The following HDAC9 variants were observed in gnomAD, a reference collection of about 807,000 sequenced individuals.
The protein encoded by HDAC9 is histone deacetylase 9, also known as MEF-2 interacting transcription repressor (MITR) protein.
In HDAC9, 41 loss-of-function variants were observed where a neutral mutation model predicts 139.4. That is an observed-to-expected ratio of 0.29 (90% CI 0.23 to 0.38). The LOEUF is 0.38. Ranked by LOEUF, HDAC9 falls within the 10% of genes least tolerant of loss-of-function variation. The pLI is 1.00. For synonymous variants in HDAC9, 517 were observed against 476.2 expected (o/e 1.09, Z -1.12); for missense variants, 1,147 against 1,297.0 (o/e 0.88, Z 1.78).
At chr7:18,287,126 T>C (rs1797500662), upstream of HDAC9, among the ~76,000 whole-genome samples, 1 of 152,204 alleles carries the variant, frequency 6.6e-6, no homozygotes, top group Non-Finnish European at 1.5e-5. Flanking sequence ...TTAATGGTAG[T>C]TTTTTCTGAG....
At chr7:18,852,380 A>G (rs1797366199) in intron 21 of HDAC9, among the ~76,000 whole-genome samples, 1 of 152,192 alleles carries the variant, frequency 6.6e-6, no homozygotes, top group Non-Finnish European at 1.5e-5. Flanking sequence ...GGACGATTAG[A>G]GTCAGGCGAG....
At chr7:18,522,064 T>C (rs1206075061) in intron 2 of HDAC9, among the ~76,000 whole-genome samples, 1 of 152,158 alleles carries the variant, frequency 6.6e-6, no homozygotes, top group African/African-American at 2.4e-5. Context: ...GAAGACAGGA[T>C]GTAAGTCTCC....
intron 2 of HDAC9, among the ~76,000 whole-genome samples, chr7:18,254,076 C>T (rs1795088991): frequency 6.6e-6 from 1 of 152,176 alleles, no homozygotes; most frequent in African/African-American, 2.4e-5. Flanking sequence ...TTTCAATATA[C>T]ATCAAAAGTT....
intron 2 of HDAC9, among the ~76,000 whole-genome samples, chr7:18,576,313 T>G (rs1825915966): frequency 6.6e-6 from 1 of 152,192 alleles, no homozygotes; most frequent in Non-Finnish European, 1.5e-5. Flanking sequence ...GTAACAGAAG[T>G]GCTTTAATAA....
chr7:18,278,929 T>C (rs1277127518), intron 2 of HDAC9, among the ~76,000 whole-genome samples: 2 of 152,194 alleles, frequency 1.3e-5, no homozygotes, highest in Admixed American at 6.5e-5. Flanking sequence ...TGGAAGTAGG[T>C]ACTCTGTTCT....
intron 22 of HDAC9, among the ~76,000 whole-genome samples, chr7:18,915,168 A>G (rs1158070841): frequency 5.9e-5 from 9 of 152,130 alleles, no homozygotes; most frequent in African/African-American, 2.2e-4. Flanking sequence ...TTTGAAATGC[A>G]CAGTTTTTAT....
chr7:18,472,014 C>T (rs1794763767), intron 1 of HDAC9, among the ~76,000 whole-genome samples: 1 of 152,268 alleles, frequency 6.6e-6, no homozygotes, highest in Admixed American at 6.5e-5. Flanking sequence ...GAGGTCCATG[C>T]TGATTCTTCT....
chr7:18,888,288 G>A (rs1049310145), intron 22 of HDAC9, among the ~76,000 whole-genome samples: 3 of 152,170 alleles, frequency 2.0e-5, no homozygotes, highest in Non-Finnish European at 2.9e-5. Context: ...AGCCAGGCGT[G>A]GTGGCGGGCG....
chr7:18,982,170 A>G (rs1422338807), intron 25 of HDAC9, among the ~76,000 whole-genome samples: 1 of 152,154 alleles, frequency 6.6e-6, no homozygotes, highest in Non-Finnish European at 1.5e-5. Context: ...TACTGCTGAC[A>G]CTCAGTCCAA....
intron 2 of HDAC9, among the ~76,000 whole-genome samples, chr7:18,236,892 C>T (rs980009381): frequency 6.6e-6 from 1 of 152,176 alleles, no homozygotes; most frequent in African/African-American, 2.4e-5. Flanking sequence ...TAGTGCTTCT[C>T]CTGCAGCTTG....
intron 1 of HDAC9, among the ~76,000 whole-genome samples, chr7:18,452,628 C>G (rs1792976425): frequency 6.6e-6 from 1 of 152,190 alleles, no homozygotes; most frequent in Non-Finnish European, 1.5e-5. Flanking sequence ...CCCCATATGT[C>G]ATGGGATGGA....
intron 2 of HDAC9, among the ~76,000 whole-genome samples, chr7:18,174,099 T>C (rs945350171): frequency 1.3e-5 from 2 of 152,254 alleles, no homozygotes; most frequent in African/African-American, 4.8e-5. Context: ...AGATGTAGAT[T>C]TGGTCTTTTC....
chr7:18,801,784 T>C (rs1051560530), intron 17 of HDAC9, among the ~76,000 whole-genome samples: 1 of 152,096 alleles, frequency 6.6e-6, no homozygotes. Flanking sequence ...GTATTTCTTT[T>C]TGAGTCAATT....
chr7:18,115,292 CAAA>C (rs67773503), intron 1 of HDAC9, among the ~76,000 whole-genome samples: 8 of 130,248 alleles, frequency 6.1e-5, no homozygotes, highest in East Asian at 2.2e-4. Context: ...GACTCTGTCT[CAAA>C]AAAAAAAAAA....
At chr7:18,889,949 C>T (rs1199022090) in intron 22 of HDAC9, among the ~76,000 whole-genome samples, 1 of 152,202 alleles carries the variant, frequency 6.6e-6, no homozygotes, top group Non-Finnish European at 1.5e-5. Flanking sequence ...AAGTGAGCCT[C>T]TTAGCCTTCC....
chr7:18,482,255 C>T (rs1795612932), intron 1 of HDAC9, among the ~76,000 whole-genome samples: 1 of 151,346 alleles, frequency 6.6e-6, no homozygotes, highest in Admixed American at 6.6e-5. Flanking sequence ...TAAAGAGTAT[C>T]CCTGGCTGCT....
chr7:18,194,148 T>A (rs1790566030), intron 2 of HDAC9, among the ~76,000 whole-genome samples: 1 of 152,280 alleles, frequency 6.6e-6, no homozygotes, highest in East Asian at 1.9e-4. Flanking sequence ...GCTTCTTTAT[T>A]AACTGTCAGT....
At chr7:18,538,547 A>G (rs1371929921) in intron 2 of HDAC9, among the ~76,000 whole-genome samples, 1 of 152,214 alleles carries the variant, frequency 6.6e-6, no homozygotes, top group African/African-American at 2.4e-5. Flanking sequence ...TTTAACGGCC[A>G]TGAGCCTTAA....
intron 2 of HDAC9, among the ~76,000 whole-genome samples, chr7:18,191,714 T>C (rs1442052701): frequency 1.3e-5 from 2 of 152,244 alleles, no homozygotes; most frequent in Non-Finnish European, 2.9e-5. Flanking sequence ...TTTTTTGACA[T>C]TTGTATTTCT....
Sources: allele counts gnomAD v4.1 joint callset (sites outside exome capture counted in the v4.1 genomes callset), GRCh38; gene constraint gnomAD v4.1.1; transcripts MANE v1.5; gene names NCBI Gene and HGNC (gene_info 2026-07-23, HGNC 2026-07-21).